POU6F2: variants seen among roughly 807,000 people sequenced by gnomAD.
The protein encoded by POU6F2 is POU class 6 homeobox 2, also known as POU domain, class 6, transcription factor 2.
In POU6F2, 31 loss-of-function variants were observed where a neutral mutation model predicts 71.3. The observed-to-expected ratio is 0.43, with a 90% CI of 0.33 to 0.59. The LOEUF is 0.59. Ranked by LOEUF, POU6F2 falls within the 20% of genes least tolerant of loss-of-function variation. The pLI, the probability that POU6F2 is intolerant of heterozygous loss-of-function variation, is 0.04. For synonymous variants in POU6F2, 347 were observed against 355.7 expected (o/e 0.98, Z 0.27); for missense variants, 783 against 856.8 (o/e 0.91, Z 1.07).
Position 39,433,152 on chromosome 7 carries a change from G to A in POU6F2, c.1189G>A (p.Val397Met), listed in dbSNP as rs1788150481. The A allele has an allele frequency of 6.2e-7, 1 of 1,613,824 alleles. No homozygotes were observed. Among genetic ancestry groups the A allele is most frequent in the African/African-American group, 1.3e-5 (1 of 74,996 alleles). ...AGCAAGCGGCACTCAGGGCTTGCAA[G>A]TGCAGCCAATCACCCCCCAGCTCCT... The part of the protein sequence containing the change: ...QAASGTQGLQ[V>M]QPITPQLLTN... Residue 397 changes from valine to methionine, a missense_variant, in exon 7 of 10, where the codon GTG (valine) becomes ATG (methionine). Val to Met is a conservative substitution (Grantham distance 21). Around this residue, in one of 2 missense-constraint regions of POU6F2, gnomAD observed 572 missense variants for 572.9 expected, o/e 1.00. Transcript: ENST00000518318.
At chr7:39,264,542 C>T (rs1229356404) in intron 4 of POU6F2, among the ~76,000 whole-genome samples, 1 of 152,106 alleles carries the variant, frequency 6.6e-6, no homozygotes, top group Non-Finnish European at 1.5e-5. Context: ...ATAATTCTGC[C>T]AAACCTGGCC....
chr7:39,299,998 C>T (rs4130697), intron 4 of POU6F2, among the ~76,000 whole-genome samples: 69,457 of 151,852 alleles, frequency 0.46, 16,713 homozygotes, highest in Admixed American at 0.59. Context: ...TCCAGCAGTC[C>T]CAGTTAGGCC....
intron 1 of POU6F2, chr7:38,984,099 T>C (rs1326021336): frequency 6.6e-6 from 1 of 151,998 alleles, no homozygotes; most frequent in Non-Finnish European, 1.5e-5. Flanking sequence ...ATCAACTGAG[T>C]ATTCTCACTT....
At chr7:39,063,557 G>A (rs1181528728) in intron 1 of POU6F2, among the ~76,000 whole-genome samples, 1 of 152,172 alleles carries the variant, frequency 6.6e-6, no homozygotes, top group South Asian at 2.1e-4. Context: ...TGGATATGAA[G>A]GACAGAGAAT....
intron 5 of POU6F2, among the ~76,000 whole-genome samples, chr7:39,369,959 A>G (rs1347985429): frequency 6.6e-6 from 1 of 151,924 alleles, no homozygotes; most frequent in Non-Finnish European, 1.5e-5. Flanking sequence ...ATCCCAAAGT[A>G]CTGCCACCGC....
chr7:39,412,107 A>G (rs1787561820), intron 6 of POU6F2, among the ~76,000 whole-genome samples: 1 of 152,190 alleles, frequency 6.6e-6, no homozygotes, highest in East Asian at 1.9e-4. Flanking sequence ...TGGACCTTGG[A>G]TATGTTATAA....
At chr7:39,126,716 T>C (rs908951175) in intron 2 of POU6F2, among the ~76,000 whole-genome samples, 3 of 152,238 alleles carry the variant, frequency 2.0e-5, no homozygotes, top group African/African-American at 7.2e-5. Context: ...TCTCTAATGC[T>C]GCATGTGAGA....
intron 6 of POU6F2, among the ~76,000 whole-genome samples, chr7:39,414,020 C>T (rs1787615017): frequency 6.6e-6 from 1 of 152,200 alleles, no homozygotes; most frequent in Non-Finnish European, 1.5e-5. Flanking sequence ...GGGACCCACC[C>T]GCGGGCGGAG....
In POU6F2 at chr7:39,088,329, A is replaced by G. The variant is rs1481771977; in HGVS notation, c.277+2298A>G. 2.6e-5 allele frequency among the ~76,000 whole-genome samples: 4 copies of G among 152,322 alleles called. No homozygotes were observed. The East Asian group carries it at 7.7e-4, about 29-fold the overall frequency. ...GGGCCTGTTTTGCTCTTACTTTTTAATATTACTGGGACTTGGCCTTAGCAA... is the reference window on the plus strand; with the variant it reads ...GGGCCTGTTTTGCTCTTACTTTTTAGTATTACTGGGACTTGGCCTTAGCAA... On this transcript the variant is annotated intron_variant, in intron 2 of 9. Transcript: ENST00000518318.
chr7:39,441,787 TGGGC>T (rs1788412302), intron 7 of POU6F2, among the ~76,000 whole-genome samples: 1 of 152,042 alleles, frequency 6.6e-6, no homozygotes, highest in South Asian at 2.1e-4. Context: ...AAGTAAGAGG[TGGGC>T]AAGGCTAAGA....
At chr7:39,129,668 GA>G (rs2128729219) in intron 2 of POU6F2, among the ~76,000 whole-genome samples, 1 of 152,102 alleles carries the variant, frequency 6.6e-6, no homozygotes, top group South Asian at 2.1e-4. Flanking sequence ...TAGATAGATA[GA>G]CTGATGGCTC....
chr7:39,167,471 G>T (rs1398679504), intron 2 of POU6F2, among the ~76,000 whole-genome samples: 1 of 151,948 alleles, frequency 6.6e-6, no homozygotes, highest in Non-Finnish European at 1.5e-5. Flanking sequence ...ATATTTCTAT[G>T]AACATTGTAT....
chr7:39,046,862 A>T (rs1308425776), intron 1 of POU6F2, among the ~76,000 whole-genome samples: 1 of 151,808 alleles, frequency 6.6e-6, no homozygotes, highest in African/African-American at 2.4e-5. Context: ...GTCTATTTTG[A>T]GTTTATTTGT....
intron 4 of POU6F2, among the ~76,000 whole-genome samples, chr7:39,254,639 A>T (rs1450217566): frequency 1.3e-5 from 2 of 152,160 alleles, no homozygotes; most frequent in Non-Finnish European, 2.9e-5. Context: ...CTGACTCTTC[A>T]TAATTTCTCC....
At chr7:39,102,870 C>G (rs1428660370) in intron 2 of POU6F2, among the ~76,000 whole-genome samples, 1 of 152,148 alleles carries the variant, frequency 6.6e-6, no homozygotes, top group Non-Finnish European at 1.5e-5. Flanking sequence ...TGTTACTGTA[C>G]AAATACTGTA....
chr7:39,210,417 A>C (rs1794116711), intron 4 of POU6F2, among the ~76,000 whole-genome samples: 1 of 152,202 alleles, frequency 6.6e-6, no homozygotes, highest in Non-Finnish European at 1.5e-5. Flanking sequence ...AAAGGAAAAA[A>C]AAAAGTTGCT....
intron 1 of POU6F2, among the ~76,000 whole-genome samples, chr7:39,031,076 T>C (rs1789931522): frequency 6.6e-6 from 1 of 151,962 alleles, no homozygotes; most frequent in Admixed American, 6.6e-5. Flanking sequence ...AATTTTTGTA[T>C]TTTTAGTAGA....
chr7:39,052,269 G>A (rs1047204898), intron 1 of POU6F2, among the ~76,000 whole-genome samples: 1 of 152,110 alleles, frequency 6.6e-6, no homozygotes, highest in Non-Finnish European at 1.5e-5. Context: ...TGGGCCCAGA[G>A]AAATGAAATG....
chr7:39,415,796 C>T (rs1004813264), intron 6 of POU6F2, among the ~76,000 whole-genome samples: 30 of 152,138 alleles, frequency 2.0e-4, no homozygotes, highest in African/African-American at 7.2e-4. Flanking sequence ...ATAATCCTAA[C>T]AGAGCAGTTC....
Sources: gnomAD v4.1 joint callset for allele counts (sites outside exome capture counted in the v4.1 genomes callset) on GRCh38, gnomAD v4.1.1 for gene constraint, gnomAD v4.1.1 regional missense constraint, MANE v1.5 for transcripts, NCBI Gene and HGNC (gene_info 2026-07-23, HGNC 2026-07-21) for gene names.